Variants in HDAC9 observed in about 807,000 individuals in gnomAD.
HDAC9 encodes the protein MEF-2 interacting transcription repressor (MITR) protein.
In HDAC9, 41 loss-of-function variants were observed where a neutral mutation model predicts 139.4. That is an observed-to-expected ratio of 0.29 (90% confidence interval 0.23 to 0.38). The LOEUF is 0.38. Ranked by LOEUF, HDAC9 falls within the 10% of genes least tolerant of loss-of-function variation. The pLI is 1.00. For missense variants in HDAC9, 1,147 were observed against 1,297.0 expected, an observed-to-expected ratio of 0.88 and a Z score of 1.78; for synonymous variants, 517 against 476.2, an observed-to-expected ratio of 1.09 and a Z score of -1.12.
At chr7:18,941,727 T>A (rs890523871) in intron 23 of HDAC9, among the ~76,000 whole-genome samples, 1 of 152,124 alleles carries the variant, frequency 6.6e-6, no homozygotes, top group Admixed American at 6.5e-5. Context: ...AGGCTCTCCA[T>A]ACTCTGAAAG....
intron 12 of HDAC9, among the ~76,000 whole-genome samples, chr7:18,701,874 C>A (rs1342185780): frequency 6.6e-6 from 1 of 152,208 alleles, no homozygotes; most frequent in Non-Finnish European, 1.5e-5. Context: ...GATTAAAATT[C>A]TTGCTCTATT....
intron 6 of HDAC9, among the ~76,000 whole-genome samples, chr7:18,613,653 T>C (rs746737425): frequency 1.6e-4 from 25 of 152,246 alleles, no homozygotes; most frequent in Admixed American, 9.2e-4. Context: ...ACCTATATGA[T>C]TGAGTTTAGA....
intron 2 of HDAC9, among the ~76,000 whole-genome samples, chr7:18,168,177 A>G (rs2128131373): frequency 1.3e-5 from 2 of 152,360 alleles, no homozygotes; most frequent in East Asian, 3.9e-4. Context: ...AGTGTTTAAA[A>G]ATAATGTCAA....
chr7:18,301,721 C>G (rs1798552295), intron 1 of HDAC9, among the ~76,000 whole-genome samples: 1 of 152,102 alleles, frequency 6.6e-6, no homozygotes, highest in Non-Finnish European at 1.5e-5. Context: ...TAAATCTGCC[C>G]TCAAATGAGA....
intron 2 of HDAC9, among the ~76,000 whole-genome samples, chr7:18,177,962 A>G (rs1046070759): frequency 1.4e-5 from 2 of 148,070 alleles, no homozygotes; most frequent in African/African-American, 5.2e-5. Context: ...CATGAATCAT[A>G]TCCCTTTTCT....
intron 2 of HDAC9, among the ~76,000 whole-genome samples, chr7:18,557,346 T>G (rs1027988192): frequency 7.3e-5 from 11 of 151,418 alleles, no homozygotes; most frequent in South Asian, 2.1e-4. Context: ...TGAGTTTTTT[T>G]TTTTTTTTTT....
intron 2 of HDAC9, among the ~76,000 whole-genome samples, chr7:18,546,433 A>G (rs1216427877): frequency 6.6e-6 from 1 of 152,168 alleles, no homozygotes; most frequent in Non-Finnish European, 1.5e-5. Context: ...TATGAGGATT[A>G]GACTAGTTAG....
At chr7:18,494,190 T>G (rs1047844746), upstream of HDAC9, among the ~76,000 whole-genome samples, 1 of 152,108 alleles carries the variant, frequency 6.6e-6, no homozygotes, top group African/African-American at 2.4e-5. Context: ...TTTTTAAAAA[T>G]TGTAACTTAC....
intron 12 of HDAC9, among the ~76,000 whole-genome samples, chr7:18,715,219 C>G (rs1316671493): frequency 6.7e-6 from 1 of 149,966 alleles, no homozygotes; most frequent in Admixed American, 6.7e-5. Context: ...TCCTCAAACA[C>G]TTATCTATTT....
chr7:18,970,810 T>TAAAA (rs142691189), intron 24 of HDAC9, among the ~76,000 whole-genome samples: 6 of 151,152 alleles, frequency 4.0e-5, no homozygotes, highest in South Asian at 2.1e-4. Context: ...GGAAAAAAGG[T>TAAAA]AAAAAAAAGC....
At chr7:18,299,905 AAATTTTG>A (rs1798421332) in intron 1 of HDAC9, among the ~76,000 whole-genome samples, 1 of 152,196 alleles carries the variant, frequency 6.6e-6, no homozygotes, top group Non-Finnish European at 1.5e-5. Flanking sequence ...CAAAGATGTT[AAATTTTG>A]AAGGCTTCTC....
intron 2 of HDAC9, among the ~76,000 whole-genome samples, chr7:18,581,072 A>G (rs1827679920): frequency 6.6e-6 from 1 of 152,122 alleles, no homozygotes. Flanking sequence ...TCCAAGTAAC[A>G]GGAACTAATC....
chr7:18,502,308 T>C (rs1384079388), intron 2 of HDAC9: 4 of 152,180 alleles, frequency 2.6e-5, no homozygotes, highest in Admixed American at 6.6e-5. Context: ...TATTCTATAT[T>C]GACTAGAATA....
chr7:18,977,620 C>A (rs191232508), intron 25 of HDAC9, among the ~76,000 whole-genome samples: 85 of 152,086 alleles, frequency 5.6e-4, no homozygotes, highest in Non-Finnish European at 7.5e-4. Flanking sequence ...GGCTTCAGTC[C>A]ACAGTGATTT....
intron 1 of HDAC9, among the ~76,000 whole-genome samples, chr7:18,094,252 G>T (rs1562611800): frequency 1.3e-5 from 2 of 152,128 alleles, no homozygotes; most frequent in Admixed American, 6.6e-5. Context: ...CTTGACTGGG[G>T]TCAACAGTAC....
At chr7:18,471,961 G>A (rs1454383925) in intron 1 of HDAC9, among the ~76,000 whole-genome samples, 2 of 152,160 alleles carry the variant, frequency 1.3e-5, no homozygotes, top group Non-Finnish European at 2.9e-5. Context: ...CCAAAGCCCT[G>A]TTTTAAATTC....
intron 22 of HDAC9, among the ~76,000 whole-genome samples, chr7:18,933,016 GGTA>G (rs1284063226): frequency 6.6e-6 from 1 of 152,108 alleles, no homozygotes; most frequent in Non-Finnish European, 1.5e-5. Flanking sequence ...GGTCCTAGAA[GGTA>G]GTGTCCCAGA....
chr7:18,092,888 G>A (rs1197272327), intron 1 of HDAC9, among the ~76,000 whole-genome samples: 2 of 152,170 alleles, frequency 1.3e-5, no homozygotes, highest in African/African-American at 4.8e-5. Context: ...ACATTAGTCT[G>A]GGTATTGACT....
chr7:18,786,461 C>CCTTT (rs1221757379), intron 16 of HDAC9, among the ~76,000 whole-genome samples: 5 of 25,996 alleles, frequency 1.9e-4, no homozygotes, highest in Non-Finnish European at 1.2e-3. Context: ...CCCTTTCCTT[C>CCTTT]CTTCCTTTCG....
Sources: gnomAD v4.1 joint callset for allele counts (sites outside exome capture counted in the v4.1 genomes callset) on GRCh38, gnomAD v4.1.1 for gene constraint, MANE v1.5 for transcripts, NCBI Gene and HGNC (gene_info 2026-07-23, HGNC 2026-07-21) for gene names.